Variants in KIF6 observed in about 807,000 individuals in gnomAD.
KIF6 encodes the protein kinesin-like protein KIF6.
In KIF6, 106 loss-of-function variants were observed where a neutral mutation model predicts 112.7. The observed-to-expected ratio is 0.94, with a 90% CI of 0.80 to 1.11. KIF6 has a LOEUF of 1.11. Among genes scored for constraint, KIF6 ranks in the 50% least tolerant of loss-of-function variants. KIF6 has a pLI of 0.00. For missense variants in KIF6, 929 were observed against 964.0 expected, an observed-to-expected ratio of 0.96 and a Z score of 0.48; for synonymous variants, 339 against 339.9, an observed-to-expected ratio of 1.00 and a Z score of 0.03.
chr6:39,611,668 C>G (rs1783222646), intron 6 of KIF6, among the ~76,000 whole-genome samples: 1 of 152,172 alleles, frequency 6.6e-6, no homozygotes, highest in Non-Finnish European at 1.5e-5. Flanking sequence ...ATGAATCTAT[C>G]TTTTCTCTTT....
intron 19 of KIF6, chr6:39,353,961 G>A (rs187913456): frequency 4.2e-4 from 217 of 511,214 alleles, no homozygotes; most frequent in African/African-American, 4.1e-3. Context: ...GACTGCTACT[G>A]AGGGCACACT....
chr6:39,708,893 T>TAA (rs556284770), intron 3 of KIF6, among the ~76,000 whole-genome samples: 30 of 136,286 alleles, frequency 2.2e-4, no homozygotes, highest in South Asian at 4.6e-4. Flanking sequence ...CAACACTAGA[T>TAA]AAAAAAAAAA....
At chr6:39,475,536 G>C (rs1230639741) in intron 13 of KIF6, among the ~76,000 whole-genome samples, 1 of 152,172 alleles carries the variant, frequency 6.6e-6, no homozygotes, top group East Asian at 1.9e-4. Context: ...CAGTCATACA[G>C]AATCTGAAAT....
At chr6:39,451,231 C>T (rs1772681501) in intron 13 of KIF6, among the ~76,000 whole-genome samples, 1 of 152,130 alleles carries the variant, frequency 6.6e-6, no homozygotes, top group Non-Finnish European at 1.5e-5. Context: ...TTATGTTCTA[C>T]TGAGGGCAAC....
At chr6:39,479,895 T>C (rs1200844540) in intron 13 of KIF6, among the ~76,000 whole-genome samples, 1 of 152,224 alleles carries the variant, frequency 6.6e-6, no homozygotes, top group Non-Finnish European at 1.5e-5. Context: ...CTGTGTACAT[T>C]AATTTTGTAT....
chr6:39,624,510 A>C (rs187372123), intron 5 of KIF6, among the ~76,000 whole-genome samples: 2 of 152,336 alleles, frequency 1.3e-5, no homozygotes, highest in Non-Finnish European at 1.5e-5. Context: ...AAAATTGAGA[A>C]TGGATTCTGA....
intron 6 of KIF6, among the ~76,000 whole-genome samples, chr6:39,605,550 C>T (rs999157216): frequency 6.6e-6 from 1 of 152,024 alleles, no homozygotes; most frequent in African/African-American, 2.4e-5. Flanking sequence ...AATGATAACA[C>T]ACCAAGGAGA....
chr6:39,488,909 T>A (rs957844271), intron 13 of KIF6, among the ~76,000 whole-genome samples: 1 of 152,184 alleles, frequency 6.6e-6, no homozygotes, highest in African/African-American at 2.4e-5. Flanking sequence ...ATCACAAAAT[T>A]TAGTTTCTAG....
intron 13 of KIF6, among the ~76,000 whole-genome samples, chr6:39,485,421 G>A (rs1284562189): frequency 6.6e-6 from 1 of 152,026 alleles, no homozygotes; most frequent in Non-Finnish European, 1.5e-5. Flanking sequence ...CACTCATGAT[G>A]TATTTGCTTC....
chr6:39,723,730 C>G (rs1790364541), intron 1 of KIF6, among the ~76,000 whole-genome samples: 1 of 152,012 alleles, frequency 6.6e-6, no homozygotes, highest in Non-Finnish European at 1.5e-5. Context: ...AACATCACAC[C>G]CTGGGGCCTG....
chr6:39,526,578 C>A (rs1414463709), intron 13 of KIF6, among the ~76,000 whole-genome samples: 1 of 152,234 alleles, frequency 6.6e-6, no homozygotes, highest in Non-Finnish European at 1.5e-5. Flanking sequence ...CTTACTCACT[C>A]TCATGTGTGC....
chr6:39,659,652 T>C (rs1296275076), intron 3 of KIF6, among the ~76,000 whole-genome samples: 5 of 152,276 alleles, frequency 3.3e-5, no homozygotes, highest in African/African-American at 1.2e-4. Context: ...AAGGGGCTTT[T>C]CCCCCTTTGC....
intron 3 of KIF6, among the ~76,000 whole-genome samples, chr6:39,708,911 TAAAAC>T (rs1789372737): frequency 6.7e-6 from 1 of 148,626 alleles, no homozygotes; most frequent in Non-Finnish European, 1.5e-5. Context: ...AAAAAACAAA[TAAAAC>T]AAGACGCTCT....
intron 14 of KIF6, among the ~76,000 whole-genome samples, chr6:39,424,399 A>G (rs1770613213): frequency 1.3e-5 from 2 of 152,180 alleles, no homozygotes; most frequent in Admixed American, 6.5e-5. Flanking sequence ...CCCTTTCAAT[A>G]TGGTAAGCTC....
At chr6:39,418,531 C>G (rs1770097106) in intron 15 of KIF6, among the ~76,000 whole-genome samples, 1 of 152,236 alleles carries the variant, frequency 6.6e-6, no homozygotes, top group African/African-American at 2.4e-5. Flanking sequence ...TTTACAACGT[C>G]TGCCCCTCTG....
chr6:39,708,243 C>A (rs1344210767), intron 3 of KIF6, among the ~76,000 whole-genome samples: 1 of 152,124 alleles, frequency 6.6e-6, no homozygotes, highest in Admixed American at 6.6e-5. Context: ...CAAGCCTTGG[C>A]CTCCCACCCA....
chr6:39,663,242 GGACTATTTGTA>G (rs1226766630), intron 3 of KIF6, among the ~76,000 whole-genome samples: 6 of 152,098 alleles, frequency 3.9e-5, no homozygotes, highest in Non-Finnish European at 8.8e-5. Context: ...AATCTGTTTT[GGACTATTTGTA>G]GATACAAGGA....
intron 6 of KIF6, among the ~76,000 whole-genome samples, chr6:39,610,923 T>C (rs1012025527): frequency 2.6e-5 from 4 of 152,160 alleles, no homozygotes; most frequent in African/African-American, 9.7e-5. Flanking sequence ...TAAACAAAAA[T>C]TAATGCACAA....
At chr6:39,603,814 A>T (rs1181160763) in intron 6 of KIF6, among the ~76,000 whole-genome samples, 2 of 152,176 alleles carry the variant, frequency 1.3e-5, no homozygotes, top group Non-Finnish European at 1.5e-5. Flanking sequence ...CATATTAAAA[A>T]TTTTCTAGGG....
Sources: gnomAD v4.1 joint callset for allele counts (sites outside exome capture counted in the v4.1 genomes callset) on GRCh38, gnomAD v4.1.1 for gene constraint, MANE v1.5 for transcripts, NCBI Gene and HGNC (gene_info 2026-07-23, HGNC 2026-07-21) for gene names.